TRPM3: variants seen among roughly 807,000 people sequenced by gnomAD.
TRPM3 encodes the protein long transient receptor potential channel 3.
In TRPM3, 77 loss-of-function variants were observed where a neutral mutation model predicts 181.2. The ratio of observed to expected loss-of-function variants is 0.42; its 90% CI spans 0.35 to 0.51. The LOEUF is 0.51. Ranked by LOEUF, TRPM3 falls within the 20% of genes least tolerant of loss-of-function variation. The pLI, the probability that TRPM3 is intolerant of heterozygous loss-of-function variation, is 0.01. For missense variants in TRPM3, 1,759 were observed against 2,196.7 expected, an observed-to-expected ratio of 0.80 and a Z score of 3.98; for synonymous variants, 745 against 796.4, an observed-to-expected ratio of 0.94 and a Z score of 1.09.
At chr9:71,369,897 A>C (rs984255647) in intron 1 of TRPM3, among the ~76,000 whole-genome samples, 2 of 152,148 alleles carry the variant, frequency 1.3e-5, no homozygotes, top group African/African-American at 4.8e-5. Context: ...TTTCCCCAAC[A>C]GCATGTGCTC....
chr9:71,055,604 A>G (rs556059262), intron 1 of TRPM3, among the ~76,000 whole-genome samples: 1 of 152,172 alleles, frequency 6.6e-6, no homozygotes, highest in Admixed American at 6.6e-5. Flanking sequence ...CAGAATTCAA[A>G]TACATACCTA....
chr9:71,350,708 C>T (rs1019355438), intron 1 of TRPM3, among the ~76,000 whole-genome samples: 2 of 152,084 alleles, frequency 1.3e-5, no homozygotes, highest in Admixed American at 1.3e-4. Context: ...ATTTTGTTGA[C>T]TTGGATTTCT....
chr9:71,153,762 G>C (rs973934680), intron 1 of TRPM3, among the ~76,000 whole-genome samples: 2 of 152,048 alleles, frequency 1.3e-5, no homozygotes, highest in Non-Finnish European at 2.9e-5. Flanking sequence ...CACCCTCATT[G>C]ACTTGACCCA....
At chr9:71,420,216 G>T (rs533232061) in intron 1 of TRPM3, among the ~76,000 whole-genome samples, 25 of 152,008 alleles carry the variant, frequency 1.6e-4, no homozygotes, top group African/African-American at 6.0e-4. Flanking sequence ...TGTTATGAGG[G>T]AGACAGGAAA....
intron 1 of TRPM3, among the ~76,000 whole-genome samples, chr9:70,998,589 C>A (rs2097568353): frequency 1.3e-5 from 2 of 152,230 alleles, no homozygotes; most frequent in Admixed American, 6.5e-5. Context: ...ATGTGTCAAC[C>A]ATTAAAGTAT....
intron 9 of TRPM3, among the ~76,000 whole-genome samples, chr9:70,649,332 G>T (rs1281021391): frequency 6.6e-6 from 1 of 152,032 alleles, no homozygotes; most frequent in African/African-American, 2.4e-5. Flanking sequence ...GGGATTACAG[G>T]TGTTTGCCAC....
chr9:71,019,245 T>C (rs528414102), intron 1 of TRPM3, among the ~76,000 whole-genome samples: 1 of 152,008 alleles, frequency 6.6e-6, no homozygotes, highest in Non-Finnish European at 1.5e-5. Context: ...TCAATATTTA[T>C]TGGAGGTCCT....
intron 1 of TRPM3, among the ~76,000 whole-genome samples, chr9:71,178,819 G>C (rs150713747): frequency 6.6e-6 from 1 of 151,918 alleles, no homozygotes; most frequent in Admixed American, 6.6e-5. Context: ...TCATGAGCTC[G>C]CTGTTAAAAA....
At chr9:70,807,525 G>A (rs979567036) in intron 6 of TRPM3, among the ~76,000 whole-genome samples, 1 of 151,922 alleles carries the variant, frequency 6.6e-6, no homozygotes, top group African/African-American at 2.4e-5. Context: ...ACATCTTTGT[G>A]TCAGGTTGAA....
chr9:71,063,201 GC>G (rs1218666787), intron 1 of TRPM3, among the ~76,000 whole-genome samples: 4 of 152,094 alleles, frequency 2.6e-5, no homozygotes, highest in African/African-American at 7.2e-5. Context: ...CCTCCCATGA[GC>G]CATTTGGGAA....
chr9:71,093,919 A>G (rs1301363361), intron 1 of TRPM3, among the ~76,000 whole-genome samples: 1 of 152,148 alleles, frequency 6.6e-6, no homozygotes, highest in Non-Finnish European at 1.5e-5. Context: ...AAAAAGAATG[A>G]GTTTATGTCC....
At chr9:70,690,006 C>T (rs1389285524) in intron 8 of TRPM3, among the ~76,000 whole-genome samples, 1 of 151,970 alleles carries the variant, frequency 6.6e-6, no homozygotes, top group Non-Finnish European at 1.5e-5. Flanking sequence ...TATTAATTAG[C>T]TTAATTTGTG....
chr9:70,588,775 G>T (rs1450557023), intron 22 of TRPM3, among the ~76,000 whole-genome samples: 2 of 152,326 alleles, frequency 1.3e-5, no homozygotes, highest in Non-Finnish European at 2.9e-5. Flanking sequence ...TGAATGACCA[G>T]CTAGGGCAGT....
chr9:70,746,670 A>T (rs7863903), intron 8 of TRPM3, among the ~76,000 whole-genome samples: 33,395 of 152,010 alleles, frequency 0.22, 4,481 homozygotes, highest in Non-Finnish European at 0.3. Context: ...TTCTGGTATA[A>T]CTATATTTAT....
rs192914998 is a variant in TRPM3, at chr9:71,049,054, C to T, written c.177+72124G>A. On this transcript the variant is annotated intron_variant, in intron 1 of 25. Coordinates refer to ENST00000677713, the MANE Select transcript of TRPM3 (RefSeq NM_001366145.2). ...TAGCTTTATCCTAATCTTCTGCTTC[C>T]AGGGAAATATGACAAATGACTCCTC... Among the ~76,000 whole-genome samples, 252 of 152,210 alleles carry T rather than the reference C, an allele frequency of 1.7e-3. 2 individuals are homozygous for T. Among genetic ancestry groups the T allele is most frequent in the South Asian group, 3.3e-3 (16 of 4,814 alleles).
intron 1 of TRPM3, among the ~76,000 whole-genome samples, chr9:71,066,015 T>C (rs776819488): frequency 2.0e-5 from 3 of 152,180 alleles, no homozygotes; most frequent in Non-Finnish European, 4.4e-5. Flanking sequence ...AACTGCTGTC[T>C]ATGCATCAGT....
chr9:70,813,213 T>G (rs1212824893), intron 6 of TRPM3, among the ~76,000 whole-genome samples: 1 of 152,164 alleles, frequency 6.6e-6, no homozygotes, highest in Non-Finnish European at 1.5e-5. Context: ...GCACTTAACA[T>G]CTACTGCTTT....
chr9:71,018,972 G>A (rs1265870816), intron 1 of TRPM3, among the ~76,000 whole-genome samples: 2 of 151,868 alleles, frequency 1.3e-5, no homozygotes, highest in African/African-American at 2.4e-5. Flanking sequence ...AGGAGTGTAA[G>A]AATGGTTTAA....
rs145196337 is a variant in TRPM3 at position 70,592,346 on chromosome 9, G to A, written c.3049-1141C>T. ...TTTGTTTTGTTTTTAACTAAAGCTG[G>A]GAGAAAGAAGTTCCTTGTGTCTCTG... is the stretch of plus-strand genomic sequence containing the variant. On this transcript the variant is annotated intron_variant, in intron 21 of 25. Transcript: ENST00000677713. Among the ~76,000 whole-genome samples the A allele has an allele frequency of 2.1e-3, 323 of 152,272 alleles. 2 individuals are homozygous for A. The highest frequency in any genetic ancestry group is 7.5e-3 in the African/African-American group (311 of 41,556).
Sources: gnomAD v4.1 joint callset for allele counts (sites outside exome capture counted in the v4.1 genomes callset) on GRCh38, gnomAD v4.1.1 for gene constraint, MANE v1.5 for transcripts, NCBI Gene and HGNC (gene_info 2026-07-23, HGNC 2026-07-21) for gene names.